Variants in RANBP9 observed in about 807,000 individuals in gnomAD.
RANBP9 encodes RAN binding protein 9.
RANBP9 carries 15 observed loss-of-function variants against 84.3 expected under a neutral mutation model. The observed-to-expected ratio is 0.18, with a 90% confidence interval of 0.12 to 0.27. RANBP9 has a LOEUF of 0.27. Ranked by LOEUF, RANBP9 falls within the 10% of genes least tolerant of loss-of-function variation. The pLI is 1.00. For missense variants in RANBP9, 809 were observed against 912.8 expected (o/e 0.89, Z 1.46); for synonymous variants, 392 against 349.6 (o/e 1.12, Z -1.35).
At chr6:13,706,556 G>C (rs1253145134) in intron 1 of RANBP9, among the ~76,000 whole-genome samples, 5 of 151,294 alleles carry the variant, frequency 3.3e-5, no homozygotes, top group African/African-American at 4.9e-5. Context: ...AGCCAGGCGT[G>C]GTGGCGCATG....
intron 1 of RANBP9, among the ~76,000 whole-genome samples, chr6:13,710,650 T>A (rs544065719): frequency 6.6e-6 from 1 of 152,336 alleles, no homozygotes; most frequent in African/African-American, 2.4e-5. Flanking sequence ...TTCTGTCCTG[T>A]CATCCCGGAT....
intron 2 of RANBP9, among the ~76,000 whole-genome samples, chr6:13,671,639 G>A (rs1268040207): frequency 6.6e-6 from 1 of 152,054 alleles, no homozygotes; most frequent in Non-Finnish European, 1.5e-5. Flanking sequence ...GAACTGGGAG[G>A]AGTGAGTGTT....
At chr6:13,653,866 T>G (rs942016017) in intron 4 of RANBP9, among the ~76,000 whole-genome samples, 10 of 152,082 alleles carry the variant, frequency 6.6e-5, no homozygotes, top group African/African-American at 2.2e-4. Flanking sequence ...CGTAAAACAT[T>G]ATCATTACAT....
intron 5 of RANBP9, among the ~76,000 whole-genome samples, chr6:13,650,156 G>GT (rs1765263887): frequency 6.8e-6 from 1 of 146,812 alleles, no homozygotes; most frequent in Admixed American, 6.7e-5. Context: ...TGTTGTTGTT[G>GT]TGTTTTTTTG....
At chr6:13,623,199 A>G (rs913735827) in intron 13 of RANBP9, among the ~76,000 whole-genome samples, 14 of 152,356 alleles carry the variant, frequency 9.2e-5, no homozygotes, top group Admixed American at 6.5e-4. Flanking sequence ...ATGGAAAAAA[A>G]TGAACTAATG....
At chr6:13,686,632 G>C (rs1766197802) in intron 2 of RANBP9, among the ~76,000 whole-genome samples, 1 of 151,978 alleles carries the variant, frequency 6.6e-6, no homozygotes, top group East Asian at 1.9e-4. Context: ...TCGAACTACT[G>C]GGCTCAGGCA....
In RANBP9 at chr6:13,711,513, G is replaced by A; in HGVS notation, c.-8C>T. 6.4e-6 allele frequency: 8 copies of A among 1,247,912 alleles called. No homozygotes were observed. The highest frequency in any genetic ancestry group is 7.0e-6 in the Non-Finnish European group (7 of 993,226). The allele number at this position is 1,247,912 out of a possible 1,614,324, so 77.3% of individuals were successfully genotyped here. A position where few individuals can be genotyped will look rare whatever the true frequency, so the allele number is the denominator to read the frequency against. ...CGGCGGCTGCCCGGACATCCCGGCC[G>A]CGACTCAGCCTGCGGCCACCTCCAC... is the stretch of plus-strand genomic sequence containing the variant. On this transcript the variant is annotated 5_prime_UTR_variant, in exon 1 of 14. Transcript: ENST00000011619.
chr6:13,669,178 GT>G (rs1765719205), intron 2 of RANBP9, among the ~76,000 whole-genome samples: 2 of 151,980 alleles, frequency 1.3e-5, no homozygotes, highest in Non-Finnish European at 2.9e-5. Context: ...CAAAAGAAGT[GT>G]GAAATCTGAA....
chr6:13,635,397 T>TA (rs575252974), intron 10 of RANBP9, among the ~76,000 whole-genome samples: 252 of 152,242 alleles, frequency 1.7e-3, no homozygotes, highest in African/African-American at 5.8e-3. Context: ...GAAGCCTAGG[T>TA]AATAATTATA....
intron 2 of RANBP9, among the ~76,000 whole-genome samples, chr6:13,685,861 G>A: frequency 6.6e-6 from 1 of 150,982 alleles, no homozygotes; most frequent in Non-Finnish European, 1.5e-5. Context: ...AACCTGGGAA[G>A]CAGAGATTGC....
rs866125569 is a variant in RANBP9, at chr6:13,711,115, C to A, written c.391G>T (p.Ala131Ser). The change falls in exon 1 of 14, where the codon GCC (alanine) becomes TCC (serine). Residue 131 changes from alanine to serine, a missense_variant. Physicochemically the swap from Ala to Ser is moderately conservative, Grantham distance 99. Around this residue, in one of 5 missense-constraint regions of RANBP9, gnomAD observed 302 missense variants for 240.1 expected, o/e 1.26. Transcript: ENST00000011619. ...PALVAGSSAA[A>S]PFPHGDSALN... Reference sequence around the variant, plus strand: ...GCCGAGTCCCCGTGAGGGAAGGGGGCCGCGGCGCTGCTGCCCGCCACCAGA... The same window carrying A: ...GCCGAGTCCCCGTGAGGGAAGGGGGACGCGGCGCTGCTGCCCGCCACCAGA... The A allele has an allele frequency of 2.6e-6, 4 of 1,552,708 alleles. No individual in the cohort carries two copies. The highest frequency in any genetic ancestry group is 3.5e-6 in the Non-Finnish European group (4 of 1,149,870).
At chr6:13,640,298 A>G (rs933641113) in intron 8 of RANBP9, among the ~76,000 whole-genome samples, 1 of 152,208 alleles carries the variant, frequency 6.6e-6, no homozygotes, top group African/African-American at 2.4e-5. Context: ...TCATTTTTTA[A>G]GTAACAAAGA....
chr6:13,634,443 C>G lies in RANBP9; in HGVS notation c.1783G>C (p.Asp595His). The G allele has an allele frequency of 6.2e-7, 1 of 1,613,346 alleles. No individual in the cohort carries two copies. Among genetic ancestry groups the G allele is most frequent in the Non-Finnish European group, 8.5e-7 (1 of 1,179,566 alleles). The change falls in exon 11 of 14, where the codon GAC becomes CAC. Residue 595 changes from aspartate to histidine, a missense_variant. By Grantham distance (81) the Asp-to-His change is moderately conservative. Transcript: ENST00000011619. ...SKHDHEMEDCDTEMEVDSSQL... is the reference protein window; with the variant it reads ...SKHDHEMEDCHTEMEVDSSQL... The stretch of plus-strand genomic sequence containing the variant: ...TATCACTGCAGACCCATTTCGGTGT[C>G]ACAATCTTCCATTTCGTGGTCATGT...
At chr6:13,709,697 C>CT (rs1360518520) in intron 1 of RANBP9, among the ~76,000 whole-genome samples, 4 of 152,166 alleles carry the variant, frequency 2.6e-5, no homozygotes, top group Non-Finnish European at 5.9e-5. Context: ...TCAACAAGGC[C>CT]TATTTTTGTG....
At chr6:13,685,415 A>C (rs532321414) in intron 2 of RANBP9, among the ~76,000 whole-genome samples, 101 of 152,246 alleles carry the variant, frequency 6.6e-4, no homozygotes, top group African/African-American at 2.3e-3. Flanking sequence ...TCTACAAAAA[A>C]ATTCAAAAAT....
intron 1 of RANBP9, among the ~76,000 whole-genome samples, chr6:13,699,595 G>A (rs932810079): frequency 6.6e-6 from 1 of 152,152 alleles, no homozygotes; most frequent in Non-Finnish European, 1.5e-5. Flanking sequence ...GGGCGTGGTG[G>A]CTCATGCCTG....
At chr6:13,651,158 A>T (rs1189409099) in intron 5 of RANBP9, among the ~76,000 whole-genome samples, 1 of 152,140 alleles carries the variant, frequency 6.6e-6, no homozygotes, top group Non-Finnish European at 1.5e-5. Context: ...TAAAAATGCT[A>T]AGTGATAAGG....
intron 1 of RANBP9, among the ~76,000 whole-genome samples, chr6:13,701,217 C>G (rs1757960383): frequency 6.6e-6 from 1 of 152,180 alleles, no homozygotes; most frequent in South Asian, 2.1e-4. Flanking sequence ...AAATGACACT[C>G]TCAGTATCAT....
rs1029630802 is a variant in RANBP9 at position 13,644,630 on chromosome 6, G to A, written c.1027C>T (p.Arg343Trp). The part of the protein sequence containing the change: ...PFVFDIEDYM[R>W]EWRTKIQAQI... ...GCCTGGATTTTGGTTCTCCACTCCC[G>A]CATATAGTCTTCTATATCAAACACG... Residue 343 changes from arginine to tryptophan, a missense_variant, in exon 6 of 14, where the codon CGG (arginine) becomes TGG (tryptophan). Physicochemically the swap from Arg to Trp is moderately radical, Grantham distance 101. Around this residue, in one of 5 missense-constraint regions of RANBP9, gnomAD observed 216 missense variants for 329.0 expected, o/e 0.66. Coordinates refer to ENST00000011619, the MANE Select transcript of RANBP9 (RefSeq NM_005493.3). 2.5e-6 allele frequency: 4 copies of A among 1,613,264 alleles called. No homozygotes were observed. Among genetic ancestry groups the A allele is most frequent in the East Asian group, 2.2e-5 (1 of 44,790 alleles).
Sources: gnomAD v4.1 joint callset for allele counts (sites outside exome capture counted in the v4.1 genomes callset) on GRCh38, gnomAD v4.1.1 for gene constraint, gnomAD v4.1.1 regional missense constraint, MANE v1.5 for transcripts, NCBI Gene and HGNC (gene_info 2026-07-23, HGNC 2026-07-21) for gene names.